SMOX: variants seen among roughly 807,000 people sequenced by gnomAD.
SMOX encodes flavin containing amine oxidase.
Under a neutral mutation model 51.0 loss-of-function variants are expected in SMOX, and 22 were observed. That is an observed-to-expected ratio of 0.43 (90% CI 0.31 to 0.62). The LOEUF (loss-of-function observed/expected upper bound fraction) is 0.62. Ranked by LOEUF, SMOX falls within the 20% of genes least tolerant of loss-of-function variation. The pLI, the probability that SMOX is intolerant of heterozygous loss-of-function variation, is 0.10. For missense variants in SMOX, 566 were observed against 777.7 expected, an observed-to-expected ratio of 0.73 and a Z score of 3.24; for synonymous variants, 282 against 307.8, an observed-to-expected ratio of 0.92 and a Z score of 0.88.
rs1985595359 is a variant in SMOX at position 4,149,179 on chromosome 20, G to A, written c.-27+202G>A. Reference sequence around the variant, plus strand: ...GTTCCGGGAGGCTCGCGGGGAGCAGGGGGCGCCGCGCCCCCCTGGCTTCCG... The same window carrying A: ...GTTCCGGGAGGCTCGCGGGGAGCAGAGGGCGCCGCGCCCCCCTGGCTTCCG... On this transcript the variant is annotated intron_variant, in intron 1 of 6. Transcript: ENST00000305958. This position sits in a 1 kb window ranked among gnomAD's most constrained non-coding sequence, Gnocchi z 6.0. Among the ~76,000 whole-genome samples the A allele has an allele frequency of 1.3e-5, 2 of 149,672 alleles. No homozygotes were observed. Among genetic ancestry groups the A allele is most frequent in the Middle Eastern group, 6.8e-3 (2 of 292 alleles).
At chr20:4,163,509 A>G (rs1157285597) in intron 1 of SMOX, among the ~76,000 whole-genome samples, 2 of 152,126 alleles carry the variant, frequency 1.3e-5, no homozygotes, top group Non-Finnish European at 2.9e-5. Flanking sequence ...TTAGTTACCT[A>G]TTGTTGGCTA....
rs897791064 is a variant in SMOX, at chr20:4,167,725, G to A, written c.-26-7305G>A. ...CTTCTGTCTCCTGGGTTCATGAGCT[G>A]CCCCTGCTCTGTTCCCCACACCTGT... On this transcript the variant is annotated intron_variant, in intron 1 of 6. Transcript: ENST00000305958. This position sits in a 1 kb window ranked among gnomAD's most constrained non-coding sequence, Gnocchi z 4.8. 6.6e-6 allele frequency among the ~76,000 whole-genome samples: 1 copy of A among 152,090 alleles called. No individual in the cohort carries two copies. The highest frequency in any genetic ancestry group is 2.4e-5 in the African/African-American group (1 of 41,414).
At position 4,170,392 on chromosome 20, in the gene SMOX, G is replaced by T. The variant is rs947422769; in HGVS notation, c.-26-4638G>T. On this transcript the variant is annotated intron_variant, in intron 1 of 6. Coordinates refer to ENST00000305958, the MANE Select transcript of SMOX (RefSeq NM_175839.3). The surrounding 1 kb of genome is among the most constrained non-coding windows in gnomAD (Gnocchi z 4.6). Reference sequence around the variant, plus strand: ...TTCCAGGCGGGGCTTGGCAGGGTCAGACGTTGGAGACCAGGACTAACGCGT... The same window carrying T: ...TTCCAGGCGGGGCTTGGCAGGGTCATACGTTGGAGACCAGGACTAACGCGT... 1.3e-5 allele frequency among the ~76,000 whole-genome samples: 2 copies of T among 152,184 alleles called. No individual in the cohort carries two copies. The highest frequency in any genetic ancestry group is 4.8e-5 in the African/African-American group (2 of 41,444).
At chr20:4,158,033 T>C (rs963850210) in intron 1 of SMOX, among the ~76,000 whole-genome samples, 3 of 151,224 alleles carry the variant, frequency 2.0e-5, no homozygotes, top group African/African-American at 7.3e-5. Flanking sequence ...CCCGAGTAGC[T>C]GGGACTACAG....
At chr20:4,178,078 G>A (rs747005083) in intron 3 of SMOX, among the ~76,000 whole-genome samples, 167 of 152,206 alleles carry the variant, frequency 1.1e-3, no homozygotes, top group Non-Finnish European at 1.5e-3. Context: ...GTCTCGCTCT[G>A]TCGTCCAGGC....
At chr20:4,158,108 G>A (rs574869892) in intron 1 of SMOX, among the ~76,000 whole-genome samples, 1 of 150,188 alleles carries the variant, frequency 6.7e-6, no homozygotes, top group East Asian at 2.0e-4. Context: ...CACCTTGTTA[G>A]CCAGGATGGT....
intron 6 of SMOX, chr20:4,186,847 C>G (rs1386502810): frequency 6.4e-6 from 5 of 779,718 alleles, no homozygotes; most frequent in Non-Finnish European, 1.2e-5. Context: ...GTCAAATTAC[C>G]ACCGACTTTA....
In SMOX at chr20:4,181,561, C is replaced by A. The variant is rs1173674460; in HGVS notation, c.436-242C>A. ...GTTTCACATTGTCCTAAGTGAGGGC[C>A]CAGCAAGAAAACCTCCGGGGCTTAT... On this transcript the variant is annotated intron_variant, in intron 3 of 6. Coordinates refer to ENST00000305958, the MANE Select transcript of SMOX (RefSeq NM_175839.3). The surrounding 1 kb of genome is among the most constrained non-coding windows in gnomAD (Gnocchi z 5.6). Among the ~76,000 whole-genome samples, 1 of 152,160 alleles carries A rather than the reference C, an allele frequency of 6.6e-6. No homozygotes were observed.
chr20:4,156,343 TAG>T (rs921525924), intron 1 of SMOX, among the ~76,000 whole-genome samples: 38 of 152,274 alleles, frequency 2.5e-4, no homozygotes, highest in African/African-American at 8.7e-4. Flanking sequence ...GACTTCCTGG[TAG>T]AGGTAGACTT....
chr20:4,174,472 G>A (rs1302663503), intron 1 of SMOX, among the ~76,000 whole-genome samples: 1 of 152,046 alleles, frequency 6.6e-6, no homozygotes, highest in African/African-American at 2.4e-5. Context: ...GTCTGTGTGA[G>A]TATCTTGGGG....
chr20:4,153,343 T>C lies in SMOX; in HGVS notation c.-27+4366T>C, dbSNP rs1741298. Among the ~76,000 whole-genome samples the C allele has an allele frequency of 0.23, 35,206 of 152,056 alleles. 5,308 individuals are homozygous for C. Among genetic ancestry groups the C allele is most frequent in the African/African-American group, 0.42 (17,345 of 41,424 alleles). ...ATGGGATTAGAGGGACTTTTTTTCT[T>C]TGCTCCCTGGAGGTCACATGCTTGA... On this transcript the variant is annotated intron_variant, in intron 1 of 6. Coordinates refer to ENST00000305958, the MANE Select transcript of SMOX (RefSeq NM_175839.3). The surrounding 1 kb of genome is among the most constrained non-coding windows in gnomAD (Gnocchi z 4.4).
intron 3 of SMOX, among the ~76,000 whole-genome samples, chr20:4,178,441 A>G (rs1010921536): frequency 1.3e-5 from 2 of 152,186 alleles, no homozygotes; most frequent in African/African-American, 4.8e-5. Context: ...ACTGGTTAGT[A>G]TCTCAGTGCA....
chr20:4,151,170 A>G (rs1279666392), intron 1 of SMOX, among the ~76,000 whole-genome samples: 9 of 151,660 alleles, frequency 5.9e-5, no homozygotes, highest in Non-Finnish European at 1.3e-4. Flanking sequence ...CAGGAGCACA[A>G]CTCCACCAAG....
chr20:4,170,111 C>A lies in SMOX; in HGVS notation c.-26-4919C>A, dbSNP rs1465018590. 7.4e-6 allele frequency among the ~76,000 whole-genome samples: 1 copy of A among 134,870 alleles called. No homozygotes were observed. The highest frequency in any genetic ancestry group is 1.6e-5 in the Non-Finnish European group (1 of 64,110). 88.5% of individuals were successfully genotyped at this position (134,870 alleles called of 152,430 possible). ...CTGTGCTTATCCTTGGAGGGTGGGG[C>A]TGGGAGATTGAGACCCGCATGGGTG... On this transcript the variant is annotated intron_variant, in intron 1 of 6. Coordinates refer to ENST00000305958, the MANE Select transcript of SMOX (RefSeq NM_175839.3). The surrounding 1 kb of genome is among the most constrained non-coding windows in gnomAD (Gnocchi z 4.6).
intron 1 of SMOX, among the ~76,000 whole-genome samples, chr20:4,169,787 C>G (rs531570302): frequency 3.9e-5 from 6 of 152,096 alleles, no homozygotes; most frequent in Admixed American, 2.6e-4. Flanking sequence ...ACACCCACCC[C>G]GAAATCACAC....
chr20:4,156,681 A>G (rs1360466364), intron 1 of SMOX, among the ~76,000 whole-genome samples: 1 of 152,158 alleles, frequency 6.6e-6, no homozygotes, highest in Non-Finnish European at 1.5e-5. Context: ...TGAATGAGGA[A>G]GGATCTGGAA....
chr20:4,185,904 C>T (rs1275190877), intron 6 of SMOX, among the ~76,000 whole-genome samples: 3 of 143,098 alleles, frequency 2.1e-5, no homozygotes, highest in Non-Finnish European at 4.6e-5. Flanking sequence ...AAACAAAAAC[C>T]AAAAAACAAC....
intron 1 of SMOX, among the ~76,000 whole-genome samples, chr20:4,150,988 C>T (rs1000272354): frequency 3.3e-5 from 5 of 152,174 alleles, no homozygotes; most frequent in East Asian, 1.9e-4. Flanking sequence ...TGCGCCACCA[C>T]GCCCGGCTAA....
chr20:4,163,181 T>C (rs1007147029), intron 1 of SMOX, among the ~76,000 whole-genome samples: 3 of 149,466 alleles, frequency 2.0e-5, no homozygotes, highest in African/African-American at 7.3e-5. Context: ...TGGCTGTACA[T>C]TGGCATCATG....
Sources: gnomAD v4.1 joint callset for allele counts (sites outside exome capture counted in the v4.1 genomes callset) on GRCh38, gnomAD v4.1.1 for gene constraint, Gnocchi (gnomAD v3.1) non-coding constraint, MANE v1.5 for transcripts, NCBI Gene and HGNC (gene_info 2026-07-23, HGNC 2026-07-21) for gene names.